Variants in NUMA1 observed in about 807,000 individuals in gnomAD.
NUMA1 encodes the protein nuclear mitotic apparatus protein 1.
In NUMA1, 62 loss-of-function variants were observed where a neutral mutation model predicts 237.1. That is an observed-to-expected ratio of 0.26 (90% CI 0.21 to 0.32). NUMA1 has a LOEUF of 0.32. NUMA1 is among the 10% of genes least tolerant of loss of function. NUMA1 has a pLI of 1.00. For synonymous variants in NUMA1, 1,028 were observed against 1,066.1 expected (o/e 0.96, Z 0.70); for missense variants, 2,533 against 2,666.5 (o/e 0.95, Z 1.10).
In NUMA1 at chr11:72,012,997, G is replaced by A; in HGVS notation, c.4506C>T (p.Ala1502=). ...TGGCAGTCATCACCTCCAGCTCCCG[G>A]GCAGTGCTCTGTGCTTCTCGCTGCA... ...AEVQREAQST[A]RELEVMTAKY... is the part of the protein sequence containing the mutation. Residue 1502 remains alanine (A), a synonymous_variant, in exon 15 of 27, where the codon GCC becomes GCT. Transcript: ENST00000393695. 6.2e-7 allele frequency: 1 copy of A among 1,614,072 alleles called. No individual in the cohort carries two copies. Among genetic ancestry groups the A allele is most frequent in the South Asian group, 1.1e-5 (1 of 91,080 alleles).
intron 2 of NUMA1, among the ~76,000 whole-genome samples, chr11:72,059,989 CT>C (rs1217961707): frequency 2.6e-5 from 4 of 152,140 alleles, no homozygotes; most frequent in Non-Finnish European, 5.9e-5. Flanking sequence ...ACATATGCAA[CT>C]GTTCATTCTT....
In NUMA1 at chr11:72,014,312, T is replaced by C. The variant is rs958506646; in HGVS notation, c.3191A>G (p.Gln1064Arg). The C allele has an allele frequency of 6.2e-7, 1 of 1,613,944 alleles. No individual in the cohort carries two copies. The highest frequency in any genetic ancestry group is 8.5e-7 in the Non-Finnish European group (1 of 1,180,044). The change falls in exon 15 of 27, where the codon CAG (glutamine) becomes CGG (arginine). Residue 1064 changes from glutamine (Q) to arginine (R), a missense_variant. Gln to Arg is a conservative substitution (Grantham distance 43). Around this residue, in one of 3 missense-constraint regions of NUMA1, gnomAD observed 1,414 missense variants for 1,508.1 expected, o/e 0.94. Transcript: ENST00000393695. The surrounding 1 kb of genome is among the most constrained non-coding windows in gnomAD (Gnocchi z 4.6). Reference protein sequence around the residue: ...HALTEKEGKDQELAKLRGLEA... With the variant: ...HALTEKEGKDRELAKLRGLEA... ...CAGACCACGAAGCTTGGCCAACTCC[T>C]GGTCCTTGCCTTCCTTTTCCGTCAG... is the stretch of plus-strand genomic sequence containing the variant.
chr11:72,068,183 T>TG (rs1943283314), intron 2 of NUMA1: 1 of 152,248 alleles, frequency 6.6e-6, no homozygotes, highest in Non-Finnish European at 1.5e-5. Flanking sequence ...CAACTCTTTC[T>TG]GGGGGTCTTC....
At position 72,008,828 on chromosome 11, in the gene NUMA1, C is replaced by G. The variant is rs1273932729; in HGVS notation, c.5076G>C (p.Gln1692His). Residue 1692 changes from glutamine (Q) to histidine (H), a missense_variant, in exon 20 of 27, where the codon CAG becomes CAC. Around this residue, in one of 3 missense-constraint regions of NUMA1, gnomAD observed 795 missense variants for 750.8 expected, o/e 1.06. Transcript: ENST00000393695. ...SLEAQVAHAD[Q>H]QLRDLGKFQV... ...GGAATTTGCCCAGGTCTCGAAGCTGCTGGTCTGCATGGGCAACCTGAGAAG... is the reference window on the plus strand; with the variant it reads ...GGAATTTGCCCAGGTCTCGAAGCTGGTGGTCTGCATGGGCAACCTGAGAAG... 6.2e-7 allele frequency: 1 copy of G among 1,614,160 alleles called. No individual in the cohort carries two copies. The highest frequency in any genetic ancestry group is 8.5e-7 in the Non-Finnish European group (1 of 1,180,036).
chr11:72,013,170 C>T lies in NUMA1; in HGVS notation c.4333G>A (p.Gly1445Ser). The T allele has an allele frequency of 6.2e-7, 1 of 1,613,670 alleles. No individual in the cohort carries two copies. Residue 1445 changes from glycine to serine, a missense_variant, in exon 15 of 27, where the codon GGC (glycine) becomes AGC (serine). Gly to Ser is a moderately conservative substitution (Grantham distance 56). Around this residue, in one of 3 missense-constraint regions of NUMA1, gnomAD observed 324 missense variants for 407.6 expected, o/e 0.79. Coordinates refer to ENST00000393695, the MANE Select transcript of NUMA1 (RefSeq NM_006185.4). This position sits in a 1 kb window ranked among gnomAD's most constrained non-coding sequence, Gnocchi z 6.8. ...CCCCGGTTCTCCTCTGCCAGCAGGCCATGCGCCTTCTTCAGCATGCTCAGC... is the reference window on the plus strand; with the variant it reads ...CCCCGGTTCTCCTCTGCCAGCAGGCTATGCGCCTTCTTCAGCATGCTCAGC... ...EQLSMLKKAHGLLAEENRGLG... is the reference protein window; with the variant it reads ...EQLSMLKKAHSLLAEENRGLG...
intron 17 of NUMA1, 29 bp downstream of exon 17, chr11:72,010,757 G>A (rs753095956): frequency 1.1e-5 from 17 of 1,609,044 alleles, no homozygotes; most frequent in Non-Finnish European, 1.4e-5. Flanking sequence ...CTTGTCCAGA[G>A]GCCAGACCCA....
At chr11:72,036,712 C>T (rs1456180135) in intron 2 of NUMA1, among the ~76,000 whole-genome samples, 1 of 152,188 alleles carries the variant, frequency 6.6e-6, no homozygotes, top group Non-Finnish European at 1.5e-5. Context: ...GAGGAGATCC[C>T]ATGGGACATT....
chr11:72,015,630 G>A lies in NUMA1; in HGVS notation c.1873C>T (p.Gln625Ter). ...CTGTCCCGGGCTTCATTAGCCACCTGAAGTTGCTGCTGCAGAATCTCCAGC... is the reference window on the plus strand; with the variant it reads ...CTGTCCCGGGCTTCATTAGCCACCTAAAGTTGCTGCTGCAGAATCTCCAGC... ...AKLEILQQQL[Q>*]VANEARDSAQ... The change falls in exon 15 of 27, where the codon CAG becomes TAG. Residue 625 changes from glutamine (Q) to a stop codon, truncating the protein, a stop_gained. Coordinates refer to ENST00000393695, the MANE Select transcript of NUMA1 (RefSeq NM_006185.4). LOFTEE classifies it high-confidence loss of function. This position sits in a 1 kb window ranked among gnomAD's most constrained non-coding sequence, Gnocchi z 4.0. 1 of 1,613,756 alleles carries A rather than the reference G, an allele frequency of 6.2e-7. No homozygotes were observed. The highest frequency in any genetic ancestry group is 1.7e-5 in the Admixed American group (1 of 60,008).
At chr11:72,050,604 G>A (rs1942281911) in intron 2 of NUMA1, 1 of 152,168 alleles carries the variant, frequency 6.6e-6, no homozygotes, top group African/African-American at 2.4e-5. Flanking sequence ...ACCCTAAGAG[G>A]CAAGGTTTAT....
intron 23 of NUMA1, 73 bp downstream of exon 23, chr11:72,005,160 A>C (rs1398751740): frequency 6.9e-7 from 1 of 1,452,356 alleles, no homozygotes; most frequent in East Asian, 2.5e-5. Context: ...CCTAGTGCTC[A>C]GGCTAGATCA....
intron 2 of NUMA1, among the ~76,000 whole-genome samples, chr11:72,063,297 C>T (rs1943038402): frequency 6.6e-6 from 1 of 152,130 alleles, no homozygotes; most frequent in Non-Finnish European, 1.5e-5. Flanking sequence ...GTGAGAGGAT[C>T]ACTTGAACCC....
Position 72,015,720 on chromosome 11 carries a change from A to C in NUMA1, c.1783T>G (p.Ser595Ala), listed in dbSNP as rs1565215967. ...LATAAEEREA[S>A]LRERDAALKQ... ...AGAGCCGCATCCCGCTCCCTTAAGG[A>C]GGCCTCTCGCTCCTCTGCAGCAGTG... is the stretch of plus-strand genomic sequence containing the variant. The change falls in exon 15 of 27, where the codon TCC becomes GCC. Residue 595 changes from serine to alanine, a missense_variant. This residue lies in a region of NUMA1 where 1,414 missense variants were observed against 1,508.1 expected (regional missense o/e 0.94). Transcript: ENST00000393695. The surrounding 1 kb of genome is among the most constrained non-coding windows in gnomAD (Gnocchi z 4.0). 6.2e-7 allele frequency: 1 copy of C among 1,614,064 alleles called. No homozygotes were observed.
chr11:72,007,136 C>G, intron 21 of NUMA1, 53 bp downstream of exon 21: 1 of 1,593,102 alleles, frequency 6.3e-7, no homozygotes, highest in Non-Finnish European at 8.5e-7. Context: ...CAAAGATGCC[C>G]TTGAGAGGAA....
At chr11:72,068,176 C>T (rs1260587764) in intron 2 of NUMA1, 7 of 152,272 alleles carry the variant, frequency 4.6e-5, no homozygotes, top group African/African-American at 1.7e-4. Flanking sequence ...ACTCTTCCAA[C>T]TCTTTCTGGG....
At chr11:72,053,012 T>C (rs1942451180) in intron 2 of NUMA1, among the ~76,000 whole-genome samples, 1 of 152,222 alleles carries the variant, frequency 6.6e-6, no homozygotes, top group South Asian at 2.1e-4. Context: ...GACAACCTAA[T>C]ACAAATTCTG....
Position 72,019,592 on chromosome 11 carries a change from G to C in NUMA1, c.486C>G (p.Ser162Arg). 1 of 1,613,874 alleles carries C rather than the reference G, an allele frequency of 6.2e-7. No individual in the cohort carries two copies. The highest frequency in any genetic ancestry group is 8.5e-7 in the Non-Finnish European group (1 of 1,179,796). Reference protein sequence around the residue: ...QKAPVPSTCSSTFPEELSPPS... With the variant: ...QKAPVPSTCSRTFPEELSPPS... The stretch of plus-strand genomic sequence containing the variant: ...GTGGGGAGAGCTCTTCAGGGAATGT[G>C]CTAGAACAGGTAGAAGGCACAGGAG... Residue 162 changes from serine (S) to arginine (R), a missense_variant, in exon 9 of 27, where the codon AGC becomes AGG. Ser to Arg is a moderately radical substitution (Grantham distance 110, BLOSUM62 -1). This residue lies in a region of NUMA1 where 1,414 missense variants were observed against 1,508.1 expected (regional missense o/e 0.94). Coordinates refer to ENST00000393695, the MANE Select transcript of NUMA1 (RefSeq NM_006185.4).
chr11:72,054,095 A>G (rs1175483433), intron 2 of NUMA1, among the ~76,000 whole-genome samples: 1 of 152,192 alleles, frequency 6.6e-6, no homozygotes, highest in Admixed American at 6.5e-5. Context: ...TGAGAAAAGG[A>G]AAATTCTTGA....
At chr11:72,036,337 T>C (rs905890796) in intron 2 of NUMA1, among the ~76,000 whole-genome samples, 1 of 152,260 alleles carries the variant, frequency 6.6e-6, no homozygotes, top group African/African-American at 2.4e-5. Flanking sequence ...GCTGATTTAA[T>C]GTGACCAGGG....
At chr11:72,067,270 T>C (rs577013876) in intron 2 of NUMA1, 3 of 152,328 alleles carry the variant, frequency 2.0e-5, no homozygotes, top group Admixed American at 6.5e-5. Context: ...GCCCTGCTCT[T>C]GGGCATTAAC....
Sources: gnomAD v4.1 joint callset for allele counts (sites outside exome capture counted in the v4.1 genomes callset) on GRCh38, gnomAD v4.1.1 for gene constraint, gnomAD v4.1.1 regional missense constraint, Gnocchi (gnomAD v3.1) non-coding constraint, MANE v1.5 for transcripts, NCBI Gene and HGNC (gene_info 2026-07-23, HGNC 2026-07-21) for gene names.